ANKRD29: variants seen among roughly 807,000 people sequenced by gnomAD.
ANKRD29 encodes ankyrin repeat domain-containing protein 29.
In ANKRD29, 32 loss-of-function variants were observed where a neutral mutation model predicts 38.0. The observed-to-expected ratio is 0.84, with a 90% CI of 0.64 to 1.13. The LOEUF is 1.13. ANKRD29 is among the 50% of genes most tolerant of loss of function. The pLI, the probability that ANKRD29 is intolerant of heterozygous loss-of-function variation, is 0.00. For synonymous variants in ANKRD29, 135 were observed against 152.4 expected (o/e 0.89, Z 0.84); for missense variants, 357 against 377.9 (o/e 0.94, Z 0.46).
chr18:23,641,654 G>A (rs1207058414), intron 3 of ANKRD29, among the ~76,000 whole-genome samples: 2 of 152,234 alleles, frequency 1.3e-5, no homozygotes, highest in African/African-American at 4.8e-5. Flanking sequence ...TGTTGATGGT[G>A]AGAGGCAGAC....
intron 1 of ANKRD29, among the ~76,000 whole-genome samples, chr18:23,654,347 G>A (rs895242880): frequency 3.3e-5 from 5 of 151,196 alleles, no homozygotes; most frequent in Admixed American, 2.0e-4. Context: ...GACTGGACAC[G>A]GTGGCTCACG....
chr18:23,653,017 C>A (rs1347303281), intron 1 of ANKRD29, among the ~76,000 whole-genome samples: 1 of 152,200 alleles, frequency 6.6e-6, no homozygotes, highest in Non-Finnish European at 1.5e-5. Context: ...TATGCAAATG[C>A]TCACCACTGT....
intron 8 of ANKRD29, among the ~76,000 whole-genome samples, chr18:23,615,963 ATG>A (rs376470836): frequency 0.021 from 2,963 of 143,014 alleles, 123 homozygotes; most frequent in South Asian, 0.077. Flanking sequence ...TACTATATGT[ATG>A]TATATATACT....
chr18:23,632,076 T>G (rs2059939658), intron 5 of ANKRD29, among the ~76,000 whole-genome samples: 1 of 152,214 alleles, frequency 6.6e-6, no homozygotes, highest in Non-Finnish European at 1.5e-5. Context: ...GGATTTTCAG[T>G]GGGCGTCAGC....
Position 23,659,667 on chromosome 18 carries a change from C to T in ANKRD29, c.21+3043G>A, listed in dbSNP as rs368646488. 4.6e-5 allele frequency among the ~76,000 whole-genome samples: 7 copies of T among 151,298 alleles called. No homozygotes were observed. The South Asian group carries it at 1.0e-3, about 23-fold the overall frequency. Reference sequence around the variant, plus strand: ...CTGAGGCAGGAGAATTGCTTGAACCCGGGAGGCAGAGGTTGCGGTGAGCTG... The same window carrying T: ...CTGAGGCAGGAGAATTGCTTGAACCTGGGAGGCAGAGGTTGCGGTGAGCTG... On this transcript the variant is annotated intron_variant, in intron 1 of 9. Transcript: ENST00000592179.
At chr18:23,613,711 T>C (rs980207545) in intron 8 of ANKRD29, among the ~76,000 whole-genome samples, 1 of 150,760 alleles carries the variant, frequency 6.6e-6, no homozygotes, top group Non-Finnish European at 1.5e-5. Context: ...GCCATTCTCC[T>C]GCCTCAGTCT....
intron 9 of ANKRD29, among the ~76,000 whole-genome samples, chr18:23,603,657 TG>T (rs2145626834): frequency 6.6e-6 from 1 of 152,144 alleles, no homozygotes; most frequent in East Asian, 1.9e-4. Context: ...ACAAAAAAAC[TG>T]ATCCATCAGA....
At chr18:23,649,595 T>TG in intron 1 of ANKRD29, 1 of 474,792 alleles carries the variant, frequency 2.1e-6, no homozygotes, top group Admixed American at 2.3e-5. Flanking sequence ...CACCTCTAAG[T>TG]GGGGCAAAAT....
At chr18:23,655,201 C>T (rs555061727) in intron 1 of ANKRD29, among the ~76,000 whole-genome samples, 7 of 142,094 alleles carry the variant, frequency 4.9e-5, no homozygotes, top group Middle Eastern at 3.5e-3. Context: ...CCCCTCTTGG[C>T]CCAGGGGATC....
intron 3 of ANKRD29, among the ~76,000 whole-genome samples, chr18:23,641,176 G>A (rs763863692): frequency 6.1e-4 from 93 of 152,224 alleles, no homozygotes; most frequent in Non-Finnish European, 9.6e-4. Context: ...GCTGCCACAC[G>A]GGAGGTGCAG....
chr18:23,642,234 T>C (rs1188780231), intron 3 of ANKRD29, among the ~76,000 whole-genome samples: 2 of 151,604 alleles, frequency 1.3e-5, no homozygotes, highest in Non-Finnish European at 2.9e-5. Context: ...CTTGCCACAT[T>C]GCAGGCAATG....
Position 23,662,740 on chromosome 18 carries a change from C to T in ANKRD29, c.-10G>A. ...AGGACATCCTGCACATGTCCGCGGC[C>T]GCCCGAGCGGGAGCCGGCGCGCTTT... On this transcript the variant is annotated 5_prime_UTR_variant, in exon 1 of 10. Coordinates refer to ENST00000592179, the MANE Select transcript of ANKRD29 (RefSeq NM_173505.4). 6.8e-7 allele frequency: 1 copy of T among 1,464,676 alleles called. No individual in the cohort carries two copies. Among genetic ancestry groups the T allele is most frequent in the Non-Finnish European group, 9.0e-7 (1 of 1,111,956 alleles). The allele number at this position is 1,464,676 out of a possible 1,614,324, so 90.7% of individuals were successfully genotyped here. A position where few individuals can be genotyped will look rare whatever the true frequency, so the allele number is the denominator to read the frequency against.
At chr18:23,651,262 A>T (rs1226211604) in intron 1 of ANKRD29, among the ~76,000 whole-genome samples, 1 of 152,208 alleles carries the variant, frequency 6.6e-6, no homozygotes, top group African/African-American at 2.4e-5. Context: ...AAGGGAAAAA[A>T]ATCACCTCCA....
chr18:23,652,011 A>G (rs2060216018), intron 1 of ANKRD29, among the ~76,000 whole-genome samples: 1 of 152,134 alleles, frequency 6.6e-6, no homozygotes, highest in Non-Finnish European at 1.5e-5. Context: ...CTTGGTGCCA[A>G]TTCTTGAAGA....
intron 3 of ANKRD29, among the ~76,000 whole-genome samples, chr18:23,642,549 G>A (rs920504338): frequency 6.6e-6 from 1 of 152,224 alleles, no homozygotes; most frequent in South Asian, 2.1e-4. Flanking sequence ...GGCAGGCATG[G>A]GACCTGGGCT....
intron 7 of ANKRD29, 62 bp from the exon 8 acceptor site, chr18:23,617,889 G>A: frequency 7.1e-7 from 1 of 1,408,300 alleles, no homozygotes; most frequent in South Asian, 1.2e-5. Context: ...CTTGAAAGCA[G>A]TCAGTTGGGA....
In ANKRD29 at chr18:23,638,863, C is replaced by T; in HGVS notation, c.316G>A (p.Glu106Lys). The part of the protein sequence containing the change: ...RFLFGFGAST[E>K]FRTKDGGTAL... ...GGTTATCTCACTTTGGTCCTAAATT[C>T]AGTGGATGCTCCAAATCCAAAGAGA... Residue 106 changes from glutamate to lysine, a missense_variant, in exon 4 of 10, where the codon GAA (glutamate) becomes AAA (lysine). Glu to Lys is a moderately conservative substitution (Grantham distance 56). Coordinates refer to ENST00000592179, the MANE Select transcript of ANKRD29 (RefSeq NM_173505.4). 1 of 1,609,658 alleles carries T rather than the reference C, an allele frequency of 6.2e-7. No individual in the cohort carries two copies.
Position 23,646,173 on chromosome 18 carries a change from G to T in ANKRD29, c.231+16C>A. 1 of 1,612,320 alleles carries T rather than the reference G, an allele frequency of 6.2e-7. No homozygotes were observed. Among genetic ancestry groups the T allele is most frequent in the Non-Finnish European group, 8.5e-7 (1 of 1,178,710 alleles). On this transcript the variant is annotated intron_variant, in intron 3 of 9. Coordinates refer to ENST00000592179, the MANE Select transcript of ANKRD29 (RefSeq NM_173505.4). ...TGAGCCTGGTCATTTTTCTTCAAGT[G>T]CAAAGCCTGACCTACCTCTCTCTGG... is the stretch of plus-strand genomic sequence containing the variant.
intron 2 of ANKRD29, chr18:23,647,258 A>G (rs1181424728): frequency 6.6e-6 from 1 of 152,264 alleles, no homozygotes; most frequent in Non-Finnish European, 1.5e-5. Flanking sequence ...ATGGGGGAAT[A>G]ATAAAAGTAT....
Sources: gnomAD v4.1 joint callset for allele counts (sites outside exome capture counted in the v4.1 genomes callset) on GRCh38, gnomAD v4.1.1 for gene constraint, MANE v1.5 for transcripts, NCBI Gene and HGNC (gene_info 2026-07-23, HGNC 2026-07-21) for gene names.